ATXN7L3B: variants seen among roughly 807,000 people sequenced by gnomAD.
ATXN7L3B encodes the protein ataxin-7-like protein 3B.
ATXN7L3B carries 4 observed loss-of-function variants against 6.3 expected under a neutral mutation model. That is an observed-to-expected ratio of 0.63 (90% confidence interval 0.31 to 1.45). The LOEUF is 1.45. Ranked by LOEUF, ATXN7L3B falls within the 40% of genes most tolerant of loss-of-function variation. The pLI, the probability that ATXN7L3B is intolerant of heterozygous loss-of-function variation, is 0.07. For synonymous variants in ATXN7L3B, 63 were observed against 48.0 expected, an observed-to-expected ratio of 1.31 and a Z score of -1.29; for missense variants, 120 against 118.5, an observed-to-expected ratio of 1.01 and a Z score of -0.06.
In ATXN7L3B at chr12:74,544,244, T is replaced by C. The variant is rs1422304466; in HGVS notation, c.*5838T>C. 2 of 152,030 alleles carry C rather than the reference T, an allele frequency of 1.3e-5. No individual in the cohort carries two copies. The highest frequency in any genetic ancestry group is 6.5e-5 in the Admixed American group (1 of 15,268). The allele number at this position is 152,030 out of a possible 1,614,324, so 9.4% of individuals were successfully genotyped here. ...ATAAAGAAAATAATATTTTCTAATA[T>C]GTTGGGAAAATCCCAAGTAAATGGA... On this transcript the variant is annotated 3_prime_UTR_variant, in exon 1 of 1. Transcript: ENST00000519948.
rs949841376 is a variant in ATXN7L3B, at chr12:74,544,251, A to G, written c.*5845A>G. On this transcript the variant is annotated 3_prime_UTR_variant, in exon 1 of 1. Transcript: ENST00000519948. ...AAATAATATTTTCTAATATGTTGGG[A>G]AAATCCCAAGTAAATGGAGAGAAGA... The G allele has an allele frequency of 6.6e-6, 1 of 152,038 alleles. No individual in the cohort carries two copies. The highest frequency in any genetic ancestry group is 2.4e-5 in the African/African-American group (1 of 41,464). The allele number at this position is 152,038 out of a possible 1,614,324, so 9.4% of individuals were successfully genotyped here. A position where few individuals can be genotyped will look rare whatever the true frequency, so the allele number is the denominator to read the frequency against.
Position 74,539,848 on chromosome 12 carries a change from G to C in ATXN7L3B, c.*1442G>C, listed in dbSNP as rs1430672409. The C allele has an allele frequency of 6.0e-6, 1 of 167,144 alleles. No homozygotes were observed. The highest frequency in any genetic ancestry group is 1.5e-5 in the Non-Finnish European group (1 of 68,242). 10.4% of individuals were successfully genotyped at this position (167,144 alleles called of 1,614,324 possible). A position where few individuals can be genotyped will look rare whatever the true frequency, so the allele number is the denominator to read the frequency against. ...TGGGAGCCCCGAGGTGAGCGGGAAC[G>C]GTGCTGCTTTATTTGAAATGTTTTC... On this transcript the variant is annotated 3_prime_UTR_variant, in exon 1 of 1. Transcript: ENST00000519948.
At position 74,540,413 on chromosome 12, in the gene ATXN7L3B, T is replaced by C. The variant is rs1868859846; in HGVS notation, c.*2007T>C. ...CTTGCTGTGCATGTATCAATCCTTA[T>C]CCCAGAAGGTACTATTTAGACTGTA... On this transcript the variant is annotated 3_prime_UTR_variant, in exon 1 of 1. Transcript: ENST00000519948. 6.0e-6 allele frequency: 1 copy of C among 167,090 alleles called. No homozygotes were observed. Among genetic ancestry groups the C allele is most frequent in the South Asian group, 2.1e-4 (1 of 4,830 alleles). The allele number at this position is 167,090 out of a possible 1,614,324, so 10.4% of individuals were successfully genotyped here.
At position 74,539,799 on chromosome 12, in the gene ATXN7L3B, G is replaced by A. The variant is rs137952266; in HGVS notation, c.*1393G>A. On this transcript the variant is annotated 3_prime_UTR_variant, in exon 1 of 1. Transcript: ENST00000519948. ...CTACCCTCCACTTTATTCCCTGAGC[G>A]AGGGTTTATGAAGTATAAAGGGGTG... 3.2e-3 allele frequency: 529 copies of A among 167,212 alleles called. 3 individuals are homozygous for A. Among genetic ancestry groups the A allele is most frequent in the African/African-American group, 0.012 (495 of 41,578 alleles). The allele number at this position is 167,212 out of a possible 1,614,324, so 10.4% of individuals were successfully genotyped here.
At position 74,538,559 on chromosome 12, in the gene ATXN7L3B, AT is replaced by A; in HGVS notation, c.*156del. On this transcript the variant is annotated 3_prime_UTR_variant, in exon 1 of 1. Transcript: ENST00000519948. ...AGCATTTAAAAACCCAAAGTGGATA[AT>A]TTAGGAATCCTTTTTTTAAAGTGTA... is the stretch of plus-strand genomic sequence containing the variant. 1 of 741,156 alleles carries A rather than the reference AT, an allele frequency of 1.3e-6. No individual in the cohort carries two copies. The highest frequency in any genetic ancestry group is 2.2e-6 in the Non-Finnish European group (1 of 453,512). The allele number at this position is 741,156 out of a possible 1,614,324, so 45.9% of individuals were successfully genotyped here. A position where few individuals can be genotyped will look rare whatever the true frequency, so the allele number is the denominator to read the frequency against.
At position 74,539,917 on chromosome 12, in the gene ATXN7L3B, C is replaced by G. The variant is rs1312843292; in HGVS notation, c.*1511C>G. The G allele has an allele frequency of 6.0e-6, 1 of 167,434 alleles. No homozygotes were observed. The highest frequency in any genetic ancestry group is 6.5e-5 in the Admixed American group (1 of 15,290). The allele number at this position is 167,434 out of a possible 1,614,324, so 10.4% of individuals were successfully genotyped here. A position where few individuals can be genotyped will look rare whatever the true frequency, so the allele number is the denominator to read the frequency against. On this transcript the variant is annotated 3_prime_UTR_variant, in exon 1 of 1. Coordinates refer to ENST00000519948, the MANE Select transcript of ATXN7L3B (RefSeq NM_001136262.2). ...CAGTAGGGGGTCCAGCCTCATCTGT[C>G]TGGCTTGGCCCTGTGTTCCTCCTGT... is the stretch of plus-strand genomic sequence containing the variant.
In ATXN7L3B at chr12:74,539,959, T is replaced by A. The variant is rs1438035451; in HGVS notation, c.*1553T>A. 3 of 167,560 alleles carry A rather than the reference T, an allele frequency of 1.8e-5. No individual in the cohort carries two copies. Among genetic ancestry groups the A allele is most frequent in the African/African-American group, 7.2e-5 (3 of 41,460 alleles). The allele number at this position is 167,560 out of a possible 1,614,324, so 10.4% of individuals were successfully genotyped here. A position where few individuals can be genotyped will look rare whatever the true frequency, so the allele number is the denominator to read the frequency against. On this transcript the variant is annotated 3_prime_UTR_variant, in exon 1 of 1. Transcript: ENST00000519948. ...TCCTCCTGTCCCCTGCTCCACTGCCTATCTGGTGCCCCAGGTGCTGCTTGC... is the reference window on the plus strand; with the variant it reads ...TCCTCCTGTCCCCTGCTCCACTGCCAATCTGGTGCCCCAGGTGCTGCTTGC...
At position 74,544,245 on chromosome 12, in the gene ATXN7L3B, G is replaced by T. The variant is rs1463937433; in HGVS notation, c.*5839G>T. The T allele has an allele frequency of 6.6e-6, 1 of 151,988 alleles. No homozygotes were observed. Among genetic ancestry groups the T allele is most frequent in the Non-Finnish European group, 1.5e-5 (1 of 67,856 alleles). 9.4% of individuals were successfully genotyped at this position (151,988 alleles called of 1,614,324 possible). ...TAAAGAAAATAATATTTTCTAATAT[G>T]TTGGGAAAATCCCAAGTAAATGGAG... On this transcript the variant is annotated 3_prime_UTR_variant, in exon 1 of 1. Transcript: ENST00000519948.
rs1868930076 is a variant in ATXN7L3B, at chr12:74,542,793, AGTGTT to A, written c.*4391_*4395del. ...TTGCCTTCTCTTAAGACCTATCTGA[AGTGTT>A]GTGAAGTTTTTCTTACAATTTTTTA... On this transcript the variant is annotated 3_prime_UTR_variant, in exon 1 of 1. Transcript: ENST00000519948. 1 of 152,154 alleles carries A rather than the reference AGTGTT, an allele frequency of 6.6e-6. No homozygotes were observed. Among genetic ancestry groups the A allele is most frequent in the South Asian group, 2.1e-4 (1 of 4,832 alleles). The allele number at this position is 152,154 out of a possible 1,614,324, so 9.4% of individuals were successfully genotyped here.
rs1268186844 is a variant in ATXN7L3B, at chr12:74,541,350, A to G, written c.*2944A>G. 10 of 166,860 alleles carry G rather than the reference A, an allele frequency of 6.0e-5. No homozygotes were observed. Among genetic ancestry groups the G allele is most frequent in the African/African-American group, 4.8e-5 (2 of 41,260 alleles). The allele number at this position is 166,860 out of a possible 1,614,324, so 10.3% of individuals were successfully genotyped here. On this transcript the variant is annotated 3_prime_UTR_variant, in exon 1 of 1. Coordinates refer to ENST00000519948, the MANE Select transcript of ATXN7L3B (RefSeq NM_001136262.2). Reference sequence around the variant, plus strand: ...TATTTTTGCATAAGTAGTCCATCCTATACAGATAGCTGATTAACTGTATTC... The same window carrying G: ...TATTTTTGCATAAGTAGTCCATCCTGTACAGATAGCTGATTAACTGTATTC...
rs901724778 is a variant in ATXN7L3B at position 74,541,556 on chromosome 12, C to T, written c.*3150C>T. On this transcript the variant is annotated 3_prime_UTR_variant, in exon 1 of 1. Coordinates refer to ENST00000519948, the MANE Select transcript of ATXN7L3B (RefSeq NM_001136262.2). Reference sequence around the variant, plus strand: ...GAAATGCTATTGAACCTTAATACTTCCTCCCTAACAGGAGTTTTATCAGAA... The same window carrying T: ...GAAATGCTATTGAACCTTAATACTTTCTCCCTAACAGGAGTTTTATCAGAA... The T allele has an allele frequency of 2.6e-5, 4 of 153,704 alleles. No individual in the cohort carries two copies. The highest frequency in any genetic ancestry group is 5.9e-5 in the Non-Finnish European group (4 of 68,030). 9.5% of individuals were successfully genotyped at this position (153,704 alleles called of 1,614,324 possible).
chr12:74,538,470 A>G lies in ATXN7L3B; in HGVS notation c.*64A>G, dbSNP rs898636695. 1 of 1,379,802 alleles carries G rather than the reference A, an allele frequency of 7.2e-7. No homozygotes were observed. The highest frequency in any genetic ancestry group is 1.5e-5 in the African/African-American group (1 of 68,370). 85.5% of individuals were successfully genotyped at this position (1,379,802 alleles called of 1,614,324 possible). On this transcript the variant is annotated 3_prime_UTR_variant, in exon 1 of 1. Coordinates refer to ENST00000519948, the MANE Select transcript of ATXN7L3B (RefSeq NM_001136262.2). ...ATAGACTGGTCCTGTGGCTTCGAGG[A>G]GTAAGCTAAGTAGAAAAAAGTAGAA...
Position 74,537,854 on chromosome 12 carries a change from T to C in ATXN7L3B, c.-259T>C, listed in dbSNP as rs1387831958. 2 of 471,160 alleles carry C rather than the reference T, an allele frequency of 4.2e-6. No homozygotes were observed. Among genetic ancestry groups the C allele is most frequent in the Non-Finnish European group, 7.6e-6 (2 of 261,636 alleles). The allele number at this position is 471,160 out of a possible 1,614,324, so 29.2% of individuals were successfully genotyped here. On this transcript the variant is annotated 5_prime_UTR_variant, in exon 1 of 1. Coordinates refer to ENST00000519948, the MANE Select transcript of ATXN7L3B (RefSeq NM_001136262.2). Reference sequence around the variant, plus strand: ...AGGCCCAGGAGGCTGGGTGAGGCGCTGAGACGGTTTGGCGGTGAGTCCTGG... The same window carrying C: ...AGGCCCAGGAGGCTGGGTGAGGCGCCGAGACGGTTTGGCGGTGAGTCCTGG...
chr12:74,538,422 C>A lies in ATXN7L3B; in HGVS notation c.*16C>A. ...ATTCCAGTAGCTGCAAAATGAGAGTCTGAAAGTGGCCAGGACAATAACATA... is the reference window on the plus strand; with the variant it reads ...ATTCCAGTAGCTGCAAAATGAGAGTATGAAAGTGGCCAGGACAATAACATA... On this transcript the variant is annotated 3_prime_UTR_variant, in exon 1 of 1. Transcript: ENST00000519948. 2.6e-6 allele frequency: 4 copies of A among 1,546,432 alleles called. No individual in the cohort carries two copies. The South Asian group carries it at 3.6e-5, about 14-fold the overall frequency.
In ATXN7L3B at chr12:74,544,000, A is replaced by G. The variant is rs1868960078; in HGVS notation, c.*5594A>G. On this transcript the variant is annotated 3_prime_UTR_variant, in exon 1 of 1. Coordinates refer to ENST00000519948, the MANE Select transcript of ATXN7L3B (RefSeq NM_001136262.2). ...GAACAATTTTATAGAATCTAGAAAC[A>G]GTTGTTCTCAGATGACATCTACATC... 1 of 152,070 alleles carries G rather than the reference A, an allele frequency of 6.6e-6. No individual in the cohort carries two copies. Among genetic ancestry groups the G allele is most frequent in the Non-Finnish European group, 1.5e-5 (1 of 67,896 alleles). 9.4% of individuals were successfully genotyped at this position (152,070 alleles called of 1,614,324 possible). A position where few individuals can be genotyped will look rare whatever the true frequency, so the allele number is the denominator to read the frequency against.
rs1184123305 is a variant in ATXN7L3B at position 74,541,576 on chromosome 12, T to C, written c.*3170T>C. ...TACTTCCTCCCTAACAGGAGTTTTA[T>C]CAGAACAGAGAAACTGTCCAACCTT... is the stretch of plus-strand genomic sequence containing the variant. On this transcript the variant is annotated 3_prime_UTR_variant, in exon 1 of 1. Transcript: ENST00000519948. The C allele has an allele frequency of 6.5e-6, 1 of 152,732 alleles. No homozygotes were observed. The highest frequency in any genetic ancestry group is 2.4e-5 in the African/African-American group (1 of 41,460). The allele number at this position is 152,732 out of a possible 1,614,324, so 9.5% of individuals were successfully genotyped here.
Position 74,544,772 on chromosome 12 carries a change from C to T in ATXN7L3B, c.*6366C>T, listed in dbSNP as rs1473632460. ...ATAGAGAAAAGATTGATGTGTTCGACCATAATAAAAATAGAACTTTCTGTT... is the reference window on the plus strand; with the variant it reads ...ATAGAGAAAAGATTGATGTGTTCGATCATAATAAAAATAGAACTTTCTGTT... On this transcript the variant is annotated 3_prime_UTR_variant, in exon 1 of 1. Coordinates refer to ENST00000519948, the MANE Select transcript of ATXN7L3B (RefSeq NM_001136262.2). The T allele has an allele frequency of 6.6e-6, 1 of 151,794 alleles. No individual in the cohort carries two copies. Among genetic ancestry groups the T allele is most frequent in the Non-Finnish European group, 1.5e-5 (1 of 67,840 alleles). 9.4% of individuals were successfully genotyped at this position (151,794 alleles called of 1,614,324 possible). A position where few individuals can be genotyped will look rare whatever the true frequency, so the allele number is the denominator to read the frequency against.
chr12:74,542,838 A>G lies in ATXN7L3B; in HGVS notation c.*4432A>G, dbSNP rs2136590454. The G allele has an allele frequency of 6.6e-6, 1 of 152,116 alleles. No individual in the cohort carries two copies. Among genetic ancestry groups the G allele is most frequent in the African/African-American group, 2.4e-5 (1 of 41,456 alleles). 9.4% of individuals were successfully genotyped at this position (152,116 alleles called of 1,614,324 possible). ...ACAATTTTTTAAAAGAGATTTATGA[A>G]GAAACTATGTGCTAAAAGCACAACA... On this transcript the variant is annotated 3_prime_UTR_variant, in exon 1 of 1. Transcript: ENST00000519948.
Position 74,538,562 on chromosome 12 carries a change from T to A in ATXN7L3B, c.*156T>A. The A allele has an allele frequency of 1.4e-6, 1 of 731,772 alleles. No individual in the cohort carries two copies. The highest frequency in any genetic ancestry group is 2.2e-6 in the Non-Finnish European group (1 of 445,178). 45.3% of individuals were successfully genotyped at this position (731,772 alleles called of 1,614,324 possible). A position where few individuals can be genotyped will look rare whatever the true frequency, so the allele number is the denominator to read the frequency against. ...ATTTAAAAACCCAAAGTGGATAATT[T>A]AGGAATCCTTTTTTTAAAGTGTATT... On this transcript the variant is annotated 3_prime_UTR_variant, in exon 1 of 1. Coordinates refer to ENST00000519948, the MANE Select transcript of ATXN7L3B (RefSeq NM_001136262.2).
Sources: gnomAD v4.1 joint callset for allele counts on GRCh38, gnomAD v4.1.1 for gene constraint, MANE v1.5 for transcripts, NCBI Gene and HGNC (gene_info 2026-07-23, HGNC 2026-07-21) for gene names.